TG: variants seen among roughly 807,000 people sequenced by gnomAD.
TG encodes thyroglobulin.
TG carries 270 observed loss-of-function variants against 324.7 expected under a neutral mutation model. The ratio of observed to expected loss-of-function variants is 0.83; its 90% CI spans 0.75 to 0.92. TG has a LOEUF of 0.92. Among genes scored for constraint, TG ranks in the 40% least tolerant of loss-of-function variants. TG has a pLI of 0.00. For missense variants in TG, 3,591 were observed against 3,456.4 expected (o/e 1.04, Z -0.98); for synonymous variants, 1,401 against 1,327.0 (o/e 1.06, Z -1.21).
intron 40 of TG, among the ~76,000 whole-genome samples, chr8:133,027,282 C>T (rs758561375): frequency 4.6e-5 from 7 of 152,316 alleles, no homozygotes; most frequent in East Asian, 1.9e-4. Flanking sequence ...CCAGGAGGTA[C>T]GGGGCAGACC....
chr8:133,060,412 G>A, intron 41 of TG: 3 of 1,497,838 alleles, frequency 2.0e-6, no homozygotes, highest in Admixed American at 5.1e-5. Context: ...AAACCACAGA[G>A]AGGGAAGTTG....
In TG at chr8:133,124,766, A is replaced by G. The variant is rs553810573; in HGVS notation, c.7863-7046A>G. On this transcript the variant is annotated intron_variant, in intron 45 of 47. Transcript: ENST00000220616. The stretch of plus-strand genomic sequence containing the variant: ...ATGTTCCTCCTTGATAAGTTGTCCC[A>G]ACCCTGGAAAACAAAGCTGTAAATT... Among the ~76,000 whole-genome samples, 4 of 152,352 alleles carry G rather than the reference A, an allele frequency of 2.6e-5. No individual in the cohort carries two copies. The South Asian group carries it at 8.3e-4, about 32-fold the overall frequency.
intron 27 of TG, among the ~76,000 whole-genome samples, chr8:132,954,708 C>T (rs1349285815): frequency 2.0e-5 from 3 of 152,172 alleles, no homozygotes; most frequent in Non-Finnish European, 2.9e-5. Flanking sequence ...ATGTTGCATA[C>T]GTCATTTCCA....
intron 33 of TG, chr8:132,972,187 A>T (rs1829618657): frequency 2.2e-6 from 1 of 461,224 alleles, no homozygotes; most frequent in Admixed American, 3.4e-5. Context: ...CATTTGCATG[A>T]TGTGTACTTA....
intron 41 of TG, among the ~76,000 whole-genome samples, chr8:133,092,562 C>G (rs761601983): frequency 6.6e-6 from 1 of 152,140 alleles, no homozygotes; most frequent in Non-Finnish European, 1.5e-5. Flanking sequence ...GCAGAGGACA[C>G]GCTTCTTCAC....
chr8:132,926,876 C>T (rs1193310057), intron 22 of TG, among the ~76,000 whole-genome samples: 3 of 152,196 alleles, frequency 2.0e-5, no homozygotes, highest in Admixed American at 6.5e-5. Flanking sequence ...GGTGCCTCTC[C>T]CTGACTGCCT....
At chr8:133,075,336 C>G (rs532944858) in intron 41 of TG, among the ~76,000 whole-genome samples, 12 of 152,112 alleles carry the variant, frequency 7.9e-5, no homozygotes. Context: ...TCTCTGATTT[C>G]GGTTTCCCAA....
At chr8:133,049,788 C>G in intron 41 of TG, 1 of 782,892 alleles carries the variant, frequency 1.3e-6, no homozygotes, top group Non-Finnish European at 2.3e-6. Flanking sequence ...AGGACTATCT[C>G]TTCTTGACCC....
intron 9 of TG, 43 bp downstream of exon 9, chr8:132,887,591 T>G: frequency 6.2e-7 from 1 of 1,613,808 alleles, no homozygotes; most frequent in Non-Finnish European, 8.5e-7. Context: ...CCTGAGTCTC[T>G]CTTTAGGCCC....
chr8:132,909,964 T>C (rs1455744997), intron 18 of TG, among the ~76,000 whole-genome samples: 2 of 152,170 alleles, frequency 1.3e-5, no homozygotes, highest in Non-Finnish European at 2.9e-5. Context: ...ATAGACTTGT[T>C]TTGGAGATTA....
At chr8:133,090,584 C>T (rs962317735) in intron 41 of TG, among the ~76,000 whole-genome samples, 12 of 152,230 alleles carry the variant, frequency 7.9e-5, no homozygotes, top group African/African-American at 2.9e-4. Context: ...GGAGTTTCAT[C>T]AAGTTACATT....
chr8:133,106,959 C>A (rs752305395), intron 43 of TG, among the ~76,000 whole-genome samples: 2 of 152,198 alleles, frequency 1.3e-5, no homozygotes, highest in African/African-American at 4.8e-5. Flanking sequence ...GTGTTCTCAT[C>A]GTGTCTCTCA....
intron 43 of TG, chr8:133,106,483 T>C: frequency 1.0e-6 from 1 of 985,002 alleles, no homozygotes; most frequent in Non-Finnish European, 1.2e-6. Context: ...AAAGGTAGGG[T>C]GAGGCTCTCC....
chr8:133,095,279 A>G lies in TG; in HGVS notation c.7404+71A>G. ...TACAAATAGAAAATGAAGACCTAGG[A>G]AGGAGGTGTCACCCACCCCAGCCAT... On this transcript the variant is annotated intron_variant, in intron 42 of 47. Transcript: ENST00000220616. 9.9e-6 allele frequency: 16 copies of G among 1,609,486 alleles called. 1 individual carries two copies. The South Asian group carries it at 1.7e-4, about 17-fold the overall frequency.
In TG at chr8:132,901,668, G is replaced by T. The variant is rs1587325834; in HGVS notation, c.3634+115G>T. ...AGGGGTGGGAGGGGAGGCAGGAAGT[G>T]CAGGAGGGATGTAGTTGTGGTTGAG... is the stretch of plus-strand genomic sequence containing the variant. On this transcript the variant is annotated intron_variant, in intron 16 of 47. Coordinates refer to ENST00000220616, the MANE Select transcript of TG (RefSeq NM_003235.5). 6 of 1,133,304 alleles carry T rather than the reference G, an allele frequency of 5.3e-6. No homozygotes were observed. The East Asian group carries it at 1.5e-4, about 29-fold the overall frequency. The allele number at this position is 1,133,304 out of a possible 1,614,324, so 70.2% of individuals were successfully genotyped here. A position where few individuals can be genotyped will look rare whatever the true frequency, so the allele number is the denominator to read the frequency against.
At chr8:132,995,390 G>A (rs1176821536) in intron 35 of TG, 2 of 985,164 alleles carry the variant, frequency 2.0e-6, no homozygotes, top group African/African-American at 3.5e-5. Flanking sequence ...GGGCAACGGT[G>A]CCGCCTTAGG....
chr8:133,052,038 C>T (rs1238386397), intron 41 of TG, among the ~76,000 whole-genome samples: 1 of 152,142 alleles, frequency 6.6e-6, no homozygotes, highest in Non-Finnish European at 1.5e-5. Flanking sequence ...CCCTGGTTCG[C>T]TCACCCCAAG....
At chr8:132,970,893 T>C (rs960406725) in intron 32 of TG, among the ~76,000 whole-genome samples, 2 of 152,274 alleles carry the variant, frequency 1.3e-5, no homozygotes, top group African/African-American at 4.8e-5. Flanking sequence ...GAGAGGTGAC[T>C]TGCAGGCATC....
At chr8:132,964,006 C>A (rs1349921943) in intron 29 of TG, among the ~76,000 whole-genome samples, 2 of 151,972 alleles carry the variant, frequency 1.3e-5, no homozygotes, top group Non-Finnish European at 2.9e-5. Flanking sequence ...TGGCACAGTG[C>A]CTGGTACTTA....
Sources: allele counts gnomAD v4.1 joint callset (sites outside exome capture counted in the v4.1 genomes callset), GRCh38; gene constraint gnomAD v4.1.1; transcripts MANE v1.5; gene names NCBI Gene and HGNC (gene_info 2026-07-23, HGNC 2026-07-21).